Variants in INPP4B observed in about 807,000 individuals in gnomAD.
INPP4B encodes the protein inositol polyphosphate 4-phosphatase type II.
A neutral mutation model predicts 122.5 loss-of-function variants in INPP4B; 55 were observed. That is an observed-to-expected ratio of 0.45 (90% CI 0.36 to 0.56). The LOEUF (loss-of-function observed/expected upper bound fraction) is 0.56, where lower values mean the gene tolerates loss of function less well. INPP4B is among the 20% of genes least tolerant of loss of function. INPP4B has a pLI of 0.00. For missense variants in INPP4B, 1,000 were observed against 1,097.7 expected, an observed-to-expected ratio of 0.91 and a Z score of 1.26; for synonymous variants, 403 against 388.7, an observed-to-expected ratio of 1.04 and a Z score of -0.43.
At chr4:142,626,855 G>T (rs1455638838) in intron 2 of INPP4B, among the ~76,000 whole-genome samples, 1 of 152,010 alleles carries the variant, frequency 6.6e-6, no homozygotes, top group African/African-American at 2.4e-5. Flanking sequence ...AGTAGTGTTT[G>T]ATGCTGTAAG....
chr4:142,259,372 A>T (rs3113512), intron 11 of INPP4B, among the ~76,000 whole-genome samples: 112,892 of 149,468 alleles, frequency 0.76, 43,921 homozygotes, highest in East Asian at 0.93. Context: ...AATAAATAAA[A>T]AAAAAGAAAA....
chr4:142,261,356 T>C (rs1739894143), intron 10 of INPP4B, among the ~76,000 whole-genome samples: 1 of 152,212 alleles, frequency 6.6e-6, no homozygotes. Context: ...CTAGCATTTG[T>C]GTCTTCAAAT....
At chr4:142,150,431 C>T (rs1273498135) in intron 17 of INPP4B, among the ~76,000 whole-genome samples, 1 of 152,178 alleles carries the variant, frequency 6.6e-6, no homozygotes, top group Non-Finnish European at 1.5e-5. Flanking sequence ...CTTGCTAGGT[C>T]CCCTACTGTA....
intron 17 of INPP4B, among the ~76,000 whole-genome samples, chr4:142,154,901 C>T (rs185434453): frequency 6.6e-6 from 1 of 151,826 alleles, no homozygotes; most frequent in Non-Finnish European, 1.5e-5. Context: ...AGTTCATGAA[C>T]ACATGGAGAA....
Position 142,763,100 on chromosome 4 carries a change from G to A in INPP4B, c.-253-37199C>T, listed in dbSNP as rs190787511. ...TTATTTACAAATAACCCAGCATAAGGTATTCTGTTATAGCCACGTGAATGG... is the reference window on the plus strand; with the variant it reads ...TTATTTACAAATAACCCAGCATAAGATATTCTGTTATAGCCACGTGAATGG... On this transcript the variant is annotated intron_variant, in intron 1 of 25. Coordinates refer to ENST00000262992, the MANE Select transcript of INPP4B (RefSeq NM_001101669.3). Among the ~76,000 whole-genome samples, 15 of 152,246 alleles carry A rather than the reference G, an allele frequency of 9.9e-5. No homozygotes were observed. In the East Asian group the frequency reaches 2.9e-3, roughly 29 times the overall value.
chr4:142,845,445 G>A (rs1375139474), intron 1 of INPP4B, among the ~76,000 whole-genome samples: 2 of 152,128 alleles, frequency 1.3e-5, no homozygotes, highest in African/African-American at 4.8e-5. Flanking sequence ...ATAGTTCTCA[G>A]ACCCGAAACA....
intron 5 of INPP4B, among the ~76,000 whole-genome samples, chr4:142,416,293 G>C (rs2149277813): frequency 6.6e-6 from 1 of 152,196 alleles, no homozygotes; most frequent in East Asian, 1.9e-4. Flanking sequence ...CAGGGAGGCA[G>C]CTGTTCAATC....
intron 2 of INPP4B, among the ~76,000 whole-genome samples, chr4:142,590,776 A>G (rs1737259369): frequency 1.3e-5 from 2 of 151,506 alleles, no homozygotes; most frequent in Middle Eastern, 3.4e-3. Flanking sequence ...TACTTTGTCC[A>G]TGGACACAGT....
intron 7 of INPP4B, among the ~76,000 whole-genome samples, chr4:142,364,965 A>G (rs1359256573): frequency 6.6e-6 from 1 of 152,100 alleles, no homozygotes; most frequent in Admixed American, 6.6e-5. Context: ...GAAAGAACAT[A>G]TTTAAAGGTC....
intron 3 of INPP4B, among the ~76,000 whole-genome samples, chr4:142,460,887 T>C (rs555813879): frequency 1.3e-5 from 2 of 152,216 alleles, no homozygotes; most frequent in African/African-American, 2.4e-5. Flanking sequence ...TTATATCAAA[T>C]CAAATCATTG....
chr4:142,376,677 T>C (rs1052714076), intron 7 of INPP4B, among the ~76,000 whole-genome samples: 5 of 151,966 alleles, frequency 3.3e-5, no homozygotes, highest in African/African-American at 1.2e-4. Flanking sequence ...TAAGTGGAAA[T>C]CATCACCCAA....
chr4:142,797,756 G>A (rs886217622), intron 1 of INPP4B, among the ~76,000 whole-genome samples: 2 of 151,776 alleles, frequency 1.3e-5, no homozygotes, highest in Admixed American at 1.3e-4. Context: ...AATGCATTAA[G>A]AATTTATTGG....
chr4:142,123,412 C>A lies in INPP4B; in HGVS notation c.1897G>T (p.Ala633Ser), dbSNP rs1184205359. Residue 633 changes from alanine (A) to serine (S), a missense_variant, in exon 20 of 26, where the codon GCT becomes TCT. Transcript: ENST00000262992. Reference sequence around the variant, plus strand: ...ATGATAAAACCACAAACCAATCCAGCAAGCTGAAAAAAAAATATTGATGAG... The same window carrying A: ...ATGATAAAACCACAAACCAATCCAGAAAGCTGAAAAAAAAATATTGATGAG... ...RRDIVFSQAL[A>S]GLVCGFIIKL... 6.2e-7 allele frequency: 1 copy of A among 1,600,020 alleles called. No individual in the cohort carries two copies. The highest frequency in any genetic ancestry group is 1.4e-5 in the African/African-American group (1 of 73,972).
intron 15 of INPP4B, among the ~76,000 whole-genome samples, chr4:142,177,758 T>C (rs1308575866): frequency 6.6e-6 from 1 of 152,140 alleles, no homozygotes; most frequent in East Asian, 1.9e-4. Flanking sequence ...ATGTCATATT[T>C]TGGAGATGTG....
intron 2 of INPP4B, among the ~76,000 whole-genome samples, chr4:142,494,272 A>G (rs1822244958): frequency 6.6e-6 from 1 of 152,136 alleles, no homozygotes; most frequent in Non-Finnish European, 1.5e-5. Context: ...TGCACCCTTA[A>G]TTTAGAATTG....
intron 1 of INPP4B, among the ~76,000 whole-genome samples, chr4:142,742,460 A>C (rs1768045325): frequency 6.6e-6 from 1 of 152,062 alleles, no homozygotes; most frequent in Admixed American, 6.6e-5. Context: ...GTGCAAACTA[A>C]GACAATTAGC....
intron 2 of INPP4B, among the ~76,000 whole-genome samples, chr4:142,628,769 A>C (rs1747204448): frequency 6.6e-6 from 1 of 152,028 alleles, no homozygotes; most frequent in Non-Finnish European, 1.5e-5. Flanking sequence ...TTCATTCTCT[A>C]TGACAGTTTT....
At chr4:142,742,120 C>A (rs1356585650) in intron 1 of INPP4B, among the ~76,000 whole-genome samples, 1 of 151,836 alleles carries the variant, frequency 6.6e-6, no homozygotes, top group Non-Finnish European at 1.5e-5. Flanking sequence ...TTTCCTTCAC[C>A]AAAACAGTAG....
At chr4:142,223,714 T>C (rs1477002677) in intron 12 of INPP4B, among the ~76,000 whole-genome samples, 1 of 152,154 alleles carries the variant, frequency 6.6e-6, no homozygotes, top group Non-Finnish European at 1.5e-5. Flanking sequence ...ATACTTTACA[T>C]GATGAATACC....
Sources: allele counts gnomAD v4.1 joint callset (sites outside exome capture counted in the v4.1 genomes callset), GRCh38; gene constraint gnomAD v4.1.1; transcripts MANE v1.5; gene names NCBI Gene and HGNC (gene_info 2026-07-23, HGNC 2026-07-21).